The following CABIN1 variants were observed in gnomAD, a reference collection of about 807,000 sequenced individuals.
CABIN1 encodes calcineurin binding protein 1, also known as calcineurin-binding protein cabin-1.
In CABIN1, 133 loss-of-function variants were observed where a neutral mutation model predicts 227.7. The ratio of observed to expected loss-of-function variants is 0.58; its 90% CI spans 0.51 to 0.67. The LOEUF (loss-of-function observed/expected upper bound fraction) is 0.67, where lower values mean the gene tolerates loss of function less well. CABIN1 is among the 30% of genes least tolerant of loss of function. The pLI is 0.00. For missense variants in CABIN1, 2,408 were observed against 2,852.5 expected (o/e 0.84, Z 3.55); for synonymous variants, 1,086 against 1,155.1 (o/e 0.94, Z 1.21).
At position 24,059,138 on chromosome 22, in the gene CABIN1, C is replaced by T. The variant is rs559930890; in HGVS notation, c.1263-89C>T. 67 of 1,554,706 alleles carry T rather than the reference C, an allele frequency of 4.3e-5. 1 individual carries two copies. The African/African-American group carries it at 6.9e-4, about 16-fold the overall frequency. Reference sequence around the variant, plus strand: ...CTTATTTTAGCTGCCTTCTTCCTGACTCAGATTTAGTTTCTCTAACAGGAA... The same window carrying T: ...CTTATTTTAGCTGCCTTCTTCCTGATTCAGATTTAGTTTCTCTAACAGGAA... On this transcript the variant is annotated intron_variant, in intron 10 of 36. Coordinates refer to ENST00000263119, the MANE Select transcript of CABIN1 (RefSeq NM_012295.4).
intron 29 of CABIN1, among the ~76,000 whole-genome samples, chr22:24,157,509 C>G (rs539340583): frequency 6.6e-6 from 1 of 152,286 alleles, no homozygotes; most frequent in East Asian, 1.9e-4. Context: ...TCTTGGCTCC[C>G]TGCAGGCTGG....
intron 26 of CABIN1, among the ~76,000 whole-genome samples, chr22:24,107,358 G>T (rs990982013): frequency 2.6e-4 from 40 of 152,330 alleles, no homozygotes; most frequent in African/African-American, 9.6e-4. Flanking sequence ...CTGCTCTCTG[G>T]TTTTTTAGAT....
At chr22:24,176,016 A>G (rs1353784631) in intron 34 of CABIN1, 95 bp from the exon 35 acceptor site, 15 of 1,394,034 alleles carry the variant, frequency 1.1e-5, no homozygotes, top group African/African-American at 1.4e-5. Flanking sequence ...CCAGTGTCCC[A>G]GGGCACAACC....
At chr22:24,033,000 C>T (rs1292690030) in intron 1 of CABIN1, among the ~76,000 whole-genome samples, 1 of 152,206 alleles carries the variant, frequency 6.6e-6, no homozygotes, top group African/African-American at 2.4e-5. Context: ...ATCACTTGAA[C>T]CCGGGAGGTG....
chr22:24,040,755 C>T (rs1280915208), intron 4 of CABIN1, among the ~76,000 whole-genome samples: 1 of 152,212 alleles, frequency 6.6e-6, no homozygotes, highest in Non-Finnish European at 1.5e-5. Flanking sequence ...AGCTCTAGGC[C>T]TTCTGCCCCC....
At position 24,168,500 on chromosome 22, in the gene CABIN1, TG is replaced by T; in HGVS notation, c.5740del (p.Ala1914LeufsTer28). 6.4e-7 allele frequency: 1 copy of T among 1,562,666 alleles called. No homozygotes were observed. The highest frequency in any genetic ancestry group is 8.7e-7 in the Non-Finnish European group (1 of 1,153,296). On this transcript the variant is annotated frameshift_variant, in exon 33 of 37. Transcript: ENST00000263119. LOFTEE classifies it high-confidence loss of function. Reference protein sequence around the residue: ...QAVKFCQVHLGAAAQRQASGD... With the variant: ...QAVKFCQVHLXAAAQRQASGD... ...CTGTGAAGTTCTGCCAGGTCCATCT[TG>T]GGGCTGCCGCCCAGAGACAGGTAAG...
chr22:24,017,251 A>G (rs553512360), intron 1 of CABIN1, among the ~76,000 whole-genome samples: 1 of 151,970 alleles, frequency 6.6e-6, no homozygotes, highest in Admixed American at 6.6e-5. Flanking sequence ...GTTAGCCAGG[A>G]TGGTCTCCAT....
At chr22:24,021,821 A>AT (rs1292362961) in intron 1 of CABIN1, among the ~76,000 whole-genome samples, 2 of 152,108 alleles carry the variant, frequency 1.3e-5, no homozygotes, top group African/African-American at 4.8e-5. Flanking sequence ...AGTAGCTGGG[A>AT]TTATAGGCAC....
chr22:24,081,461 G>A lies in CABIN1; in HGVS notation c.2749-1767G>A, dbSNP rs927594836. Reference sequence around the variant, plus strand: ...GCTTTAAAAAGTTCTGTGGTACCTCGAGTTATGCCCCTTTTTCATTGCTAA... The same window carrying A: ...GCTTTAAAAAGTTCTGTGGTACCTCAAGTTATGCCCCTTTTTCATTGCTAA... On this transcript the variant is annotated intron_variant, in intron 19 of 36. Coordinates refer to ENST00000263119, the MANE Select transcript of CABIN1 (RefSeq NM_012295.4). Among the ~76,000 whole-genome samples, 7 of 152,214 alleles carry A rather than the reference G, an allele frequency of 4.6e-5. No individual in the cohort carries two copies. In the East Asian group the frequency reaches 5.8e-4, roughly 13 times the overall value.
At chr22:24,044,597 T>G (rs1191587244) in intron 6 of CABIN1, among the ~76,000 whole-genome samples, 4 of 152,242 alleles carry the variant, frequency 2.6e-5, no homozygotes, top group Admixed American at 2.6e-4. Flanking sequence ...CATTTCACTA[T>G]AAGCAGTCAG....
chr22:24,085,111 A>G lies in CABIN1; in HGVS notation c.3223A>G (p.Ile1075Val), dbSNP rs767440930. 2.5e-6 allele frequency: 4 copies of G among 1,614,216 alleles called. 1 individual carries two copies. The South Asian group carries it at 3.3e-5, about 13-fold the overall frequency. The change falls in exon 22 of 37, where the codon ATC (isoleucine) becomes GTC (valine). Residue 1075 changes from isoleucine to valine, a missense_variant. Coordinates refer to ENST00000263119, the MANE Select transcript of CABIN1 (RefSeq NM_012295.4). The stretch of plus-strand genomic sequence containing the variant: ...CAAAAACAAGGAGCAGTCCAAGGCC[A>G]TCAAGTTCTACATGCATGACATCTG... ...HFKNKEQSKA[I>V]KFYMHDICIC...
In CABIN1 at chr22:24,056,185, T is replaced by C; in HGVS notation, c.1094-7T>C. 6.2e-7 allele frequency: 1 copy of C among 1,613,618 alleles called. No individual in the cohort carries two copies. The highest frequency in any genetic ancestry group is 8.5e-7 in the Non-Finnish European group (1 of 1,179,646). ...GTGTAAGATTTTAATTTGCATTCTTTGTGAAGGTGATATTTCTGGGGGAGA... is the reference window on the plus strand; with the variant it reads ...GTGTAAGATTTTAATTTGCATTCTTCGTGAAGGTGATATTTCTGGGGGAGA... On this transcript the variant is annotated splice_region_variant and splice_polypyrimidine_tract_variant and intron_variant, in intron 9 of 36. Coordinates refer to ENST00000263119, the MANE Select transcript of CABIN1 (RefSeq NM_012295.4).
chr22:24,067,067 G>T lies in CABIN1; in HGVS notation c.2118G>T (p.Lys706Asn), dbSNP rs766971496. 1 of 1,614,102 alleles carries T rather than the reference G, an allele frequency of 6.2e-7. No homozygotes were observed. The highest frequency in any genetic ancestry group is 8.5e-7 in the Non-Finnish European group (1 of 1,180,060). ...GGCTGTATGAAGCAGGCGACTACAA[G>T]GCTGTTGTGCATCTGCTCCGCCCCA... ...IQRLYEAGDY[K>N]AVVHLLRPTL... The change falls in exon 16 of 37, where the codon AAG becomes AAT. Residue 706 changes from lysine (K) to asparagine (N), a missense_variant. Physicochemically the swap from Lys to Asn is moderately conservative, Grantham distance 94. This residue lies in a region of CABIN1 where 1,045 missense variants were observed against 1,168.4 expected (regional missense o/e 0.89). Coordinates refer to ENST00000263119, the MANE Select transcript of CABIN1 (RefSeq NM_012295.4).
intron 1 of CABIN1, among the ~76,000 whole-genome samples, chr22:24,028,952 G>C (rs2036296033): frequency 6.6e-6 from 1 of 152,128 alleles, no homozygotes; most frequent in South Asian, 2.1e-4. Context: ...ATGTAGAGGG[G>C]ACATTTAGAA....
chr22:24,162,110 TA>T (rs2046192304), intron 29 of CABIN1: 1 of 152,274 alleles, frequency 6.6e-6, no homozygotes, highest in African/African-American at 2.4e-5. Context: ...GTTGGCTTGC[TA>T]CCACCCTGCT....
chr22:24,153,042 G>A (rs552468675), intron 29 of CABIN1, among the ~76,000 whole-genome samples: 1 of 152,316 alleles, frequency 6.6e-6, no homozygotes, highest in Non-Finnish European at 1.5e-5. Context: ...GGTCCCCTGG[G>A]CAGCTCAGCC....
intron 19 of CABIN1, among the ~76,000 whole-genome samples, chr22:24,078,961 G>C (rs1357535128): frequency 1.3e-5 from 2 of 149,370 alleles, no homozygotes; most frequent in African/African-American, 2.5e-5. Flanking sequence ...TAAATATATA[G>C]TATGTAACCT....
intron 29 of CABIN1, among the ~76,000 whole-genome samples, chr22:24,145,178 C>A (rs2045031661): frequency 6.6e-6 from 1 of 152,148 alleles, no homozygotes; most frequent in Non-Finnish European, 1.5e-5. Flanking sequence ...TTTCCTGGGC[C>A]AGGTGCAGTT....
chr22:24,024,430 T>C (rs1020940323), intron 1 of CABIN1, among the ~76,000 whole-genome samples: 3 of 152,230 alleles, frequency 2.0e-5, no homozygotes, highest in Non-Finnish European at 4.4e-5. Context: ...GCTTCTCTCT[T>C]GCTGCTTTCA....
Sources: gnomAD v4.1 joint callset for allele counts (sites outside exome capture counted in the v4.1 genomes callset) on GRCh38, gnomAD v4.1.1 for gene constraint, gnomAD v4.1.1 regional missense constraint, MANE v1.5 for transcripts, NCBI Gene and HGNC (gene_info 2026-07-23, HGNC 2026-07-21) for gene names.